Variants in RSF1 observed in about 807,000 individuals in gnomAD.
RSF1 encodes the protein remodeling and spacing factor 1.
RSF1 carries 13 observed loss-of-function variants against 145.2 expected under a neutral mutation model. The observed-to-expected ratio is 0.09, with a 90% confidence interval of 0.06 to 0.14. RSF1 has a LOEUF of 0.14. RSF1 is among the 10% of genes least tolerant of loss of function. The pLI, the probability that RSF1 is intolerant of heterozygous loss-of-function variation, is 1.00. For synonymous variants in RSF1, 577 were observed against 592.6 expected, an observed-to-expected ratio of 0.97 and a Z score of 0.38; for missense variants, 1,517 against 1,718.2, an observed-to-expected ratio of 0.88 and a Z score of 2.07.
intron 1 of RSF1, among the ~76,000 whole-genome samples, chr11:77,767,089 A>C (rs1948234167): frequency 6.6e-6 from 1 of 152,188 alleles, no homozygotes; most frequent in South Asian, 2.1e-4. Flanking sequence ...CAAGTCCTTT[A>C]AACAATGAAG....
intron 4 of RSF1, among the ~76,000 whole-genome samples, chr11:77,729,895 CAAAAAA>C (rs398045289): frequency 0.16 from 8,034 of 48,864 alleles, 341 homozygotes; most frequent in East Asian, 0.32. Flanking sequence ...ATTCAGTAGG[CAAAAAA>C]AAAAAAAAAA....
At chr11:77,755,496 T>G (rs965173195) in intron 2 of RSF1, among the ~76,000 whole-genome samples, 2 of 152,224 alleles carry the variant, frequency 1.3e-5, no homozygotes, top group Non-Finnish European at 2.9e-5. Flanking sequence ...ATCAGACATC[T>G]AAGAAATGTG....
At chr11:77,792,949 A>C (rs1428927522) in intron 1 of RSF1, among the ~76,000 whole-genome samples, 1 of 152,210 alleles carries the variant, frequency 6.6e-6, no homozygotes, top group African/African-American at 2.4e-5. Context: ...AAACACACAA[A>C]AGTATAAAAT....
the RSF1 span, among the ~76,000 whole-genome samples, chr11:77,853,079 G>A: frequency 6.6e-6 from 1 of 152,168 alleles, no homozygotes; most frequent in African/African-American, 2.4e-5. Flanking sequence ...TGCTTAAAGA[G>A]TAAATGTAAA....
the RSF1 span, among the ~76,000 whole-genome samples, chr11:77,845,815 T>C: frequency 4.6e-5 from 7 of 152,206 alleles, no homozygotes; most frequent in African/African-American, 1.7e-4. Context: ...TTTCCTTTAG[T>C]TCTTTTGAAC....
At chr11:77,696,092 C>T (rs1390125753) in intron 7 of RSF1, among the ~76,000 whole-genome samples, 2 of 152,190 alleles carry the variant, frequency 1.3e-5, no homozygotes, top group African/African-American at 4.8e-5. Flanking sequence ...CAGTTGATTA[C>T]ATTGGCACAT....
intron 1 of RSF1, among the ~76,000 whole-genome samples, chr11:77,773,057 C>T (rs896670488): frequency 2.6e-5 from 4 of 152,138 alleles, no homozygotes; most frequent in South Asian, 2.1e-4. Flanking sequence ...AGGCATTATC[C>T]ATTTCTAAAA....
chr11:77,733,489 C>T (rs376956273), intron 4 of RSF1, among the ~76,000 whole-genome samples: 1 of 151,478 alleles, frequency 6.6e-6, no homozygotes, highest in East Asian at 1.9e-4. Flanking sequence ...GGTCTATGGT[C>T]TTTATTTGCT....
chr11:77,868,343 C>T, the RSF1 span, among the ~76,000 whole-genome samples: 1,827 of 149,920 alleles, frequency 0.012, 14 homozygotes, highest in Middle Eastern at 0.032. Context: ...GTGTGAGCCA[C>T]CACGCCCAGC....
intron 5 of RSF1, among the ~76,000 whole-genome samples, chr11:77,704,648 A>G (rs1960500421): frequency 6.6e-6 from 1 of 152,142 alleles, no homozygotes; most frequent in Admixed American, 6.5e-5. Context: ...TCATCTATAA[A>G]TAAAGCAGCT....
intron 1 of RSF1, among the ~76,000 whole-genome samples, chr11:77,794,468 A>G (rs1380224165): frequency 2.0e-5 from 3 of 152,148 alleles, no homozygotes; most frequent in African/African-American, 4.8e-5. Flanking sequence ...GGATTACTTG[A>G]GCCCAGGAGT....
Position 77,661,460 on chromosome 11 carries a change from T to TGTGC in RSF1, c.*5453_*5456dup, listed in dbSNP as rs1372508285. 6.6e-6 allele frequency: 1 copy of TGTGC among 152,030 alleles called. No individual in the cohort carries two copies. The highest frequency in any genetic ancestry group is 1.5e-5 in the Non-Finnish European group (1 of 67,990). 9.4% of individuals were successfully genotyped at this position (152,030 alleles called of 1,614,324 possible). ...AGATGTGTGTGTGTGTGTGTGTGTGTGTGCAATTTTCATGCAGTGACCTTA... is the reference window on the plus strand; with the variant it reads ...AGATGTGTGTGTGTGTGTGTGTGTGTGTGCGTGCAATTTTCATGCAGTGACCTTA... On this transcript the variant is annotated 3_prime_UTR_variant, in exon 16 of 16. Transcript: ENST00000308488.
chr11:77,788,653 G>C (rs12273115), intron 1 of RSF1, among the ~76,000 whole-genome samples: 1 of 151,860 alleles, frequency 6.6e-6, no homozygotes, highest in Non-Finnish European at 1.5e-5. Context: ...AGTATTTGTA[G>C]AAAAATTTAT....
At chr11:77,830,839 A>T in the RSF1 span, among the ~76,000 whole-genome samples, 1 of 152,014 alleles carries the variant, frequency 6.6e-6, no homozygotes. Flanking sequence ...AATGAAAACC[A>T]CAATGAAATA....
intron 1 of RSF1, among the ~76,000 whole-genome samples, chr11:77,768,531 T>C (rs1948250203): frequency 6.6e-6 from 1 of 152,232 alleles, no homozygotes; most frequent in Admixed American, 6.5e-5. Context: ...CTATTTAAAA[T>C]ACATTGTGCA....
intron 4 of RSF1, among the ~76,000 whole-genome samples, chr11:77,734,244 TAA>T (rs1181531668): frequency 2.3e-3 from 354 of 152,204 alleles, no homozygotes; most frequent in African/African-American, 7.6e-3. Flanking sequence ...TAATTATATA[TAA>T]GTTAATTGCT....
At chr11:77,786,378 T>C (rs910290514) in intron 1 of RSF1, among the ~76,000 whole-genome samples, 1 of 152,212 alleles carries the variant, frequency 6.6e-6, no homozygotes, top group East Asian at 1.9e-4. Context: ...TTTTGGTAAA[T>C]AAATGTATTA....
At chr11:77,774,573 A>T (rs956989064) in intron 1 of RSF1, among the ~76,000 whole-genome samples, 11 of 133,054 alleles carry the variant, frequency 8.3e-5, no homozygotes, top group Admixed American at 1.5e-4. Flanking sequence ...TCTGTCTCAA[A>T]AAATAAATAA....
intron 4 of RSF1, among the ~76,000 whole-genome samples, chr11:77,730,723 G>C (rs1354656475): frequency 6.6e-6 from 1 of 152,172 alleles, no homozygotes. Flanking sequence ...CTGTTCTCGT[G>C]ATAGTGAATG....
Sources: gnomAD v4.1 joint callset for allele counts (sites outside exome capture counted in the v4.1 genomes callset) on GRCh38, gnomAD v4.1.1 for gene constraint, MANE v1.5 for transcripts, NCBI Gene and HGNC (gene_info 2026-07-23, HGNC 2026-07-21) for gene names.